The following GAREM1 variants were observed in gnomAD, a reference collection of about 807,000 sequenced individuals.
The protein encoded by GAREM1 is GRB2 associated regulator of MAPK1 subtype 1.
A neutral mutation model predicts 71.3 loss-of-function variants in GAREM1; 26 were observed. The ratio of observed to expected loss-of-function variants is 0.36; its 90% CI spans 0.27 to 0.51. The LOEUF (loss-of-function observed/expected upper bound fraction) is 0.51. Among genes scored for constraint, GAREM1 ranks in the 20% least tolerant of loss-of-function variants. GAREM1 has a pLI of 0.95. For synonymous variants in GAREM1, 440 were observed against 433.2 expected, an observed-to-expected ratio of 1.02 and a Z score of -0.20; for missense variants, 1,026 against 1,103.1, an observed-to-expected ratio of 0.93 and a Z score of 0.99.
intron 2 of GAREM1, among the ~76,000 whole-genome samples, chr18:32,347,247 C>A (rs1463055300): frequency 6.6e-6 from 1 of 152,116 alleles, no homozygotes; most frequent in Non-Finnish European, 1.5e-5. Flanking sequence ...TGTCTGTAAT[C>A]CCATCACTCT....
chr18:32,466,841 C>T (rs905184265), intron 1 of GAREM1, among the ~76,000 whole-genome samples: 2 of 152,172 alleles, frequency 1.3e-5, no homozygotes, highest in Non-Finnish European at 2.9e-5. Flanking sequence ...TGATGAGATA[C>T]ATCTCATCAA....
chr18:32,394,538 A>G (rs1175480910), intron 1 of GAREM1, among the ~76,000 whole-genome samples: 6 of 152,222 alleles, frequency 3.9e-5, no homozygotes, highest in African/African-American at 1.4e-4. Flanking sequence ...GTGGAGGTAC[A>G]TTAGCAGAAG....
intron 2 of GAREM1, among the ~76,000 whole-genome samples, chr18:32,381,408 T>G (rs2048096832): frequency 6.6e-6 from 1 of 152,230 alleles, no homozygotes; most frequent in African/African-American, 2.4e-5. Context: ...AGCAAGTGCC[T>G]GTGCTAAGAA....
intron 1 of GAREM1, among the ~76,000 whole-genome samples, chr18:32,408,159 C>T (rs2048383350): frequency 6.6e-6 from 1 of 152,024 alleles, no homozygotes. Flanking sequence ...TATATTCTTT[C>T]AAGCTTCCTA....
intron 2 of GAREM1, among the ~76,000 whole-genome samples, chr18:32,311,200 T>C (rs897383194): frequency 1.7e-4 from 26 of 152,208 alleles, no homozygotes; most frequent in African/African-American, 5.8e-4. Context: ...TAAAAGACCA[T>C]ATGCAATCAT....
chr18:32,388,633 C>T (rs1230277910), intron 2 of GAREM1, among the ~76,000 whole-genome samples: 1 of 152,176 alleles, frequency 6.6e-6, no homozygotes, highest in Non-Finnish European at 1.5e-5. Context: ...GACTGCATAG[C>T]CTCATCAAAT....
intron 4 of GAREM1, among the ~76,000 whole-genome samples, chr18:32,282,743 T>A (rs72931874): frequency 6.6e-6 from 1 of 152,188 alleles, no homozygotes; most frequent in Non-Finnish European, 1.5e-5. Context: ...TTGTAACTCA[T>A]TGCATAGACG....
intron 4 of GAREM1, among the ~76,000 whole-genome samples, chr18:32,281,765 G>C (rs1409747844): frequency 1.3e-5 from 2 of 152,060 alleles, no homozygotes; most frequent in African/African-American, 4.8e-5. Context: ...ATGAGGTCAG[G>C]AGATCAAGAC....
At chr18:32,425,439 C>G (rs1423185717) in intron 1 of GAREM1, among the ~76,000 whole-genome samples, 1 of 152,092 alleles carries the variant, frequency 6.6e-6, no homozygotes, top group African/African-American at 2.4e-5. Flanking sequence ...CCATAGTCTG[C>G]TAATTGATCA....
In GAREM1 at chr18:32,268,342, C is replaced by T. The variant is rs145837238; in HGVS notation, c.2160G>A (p.Thr720=). The change falls in exon 6 of 6, where the codon ACG becomes ACA. Residue 720 remains threonine (T), a synonymous_variant. Coordinates refer to ENST00000269209, the MANE Select transcript of GAREM1 (RefSeq NM_001242409.2). ...SLAAGVTKQS[T]SCPALPPRAP... ...CCCTGGGGGGTAAGGCAGGGCATGACGTACTCTGCTTTGTCACACCAGCTG... is the reference window on the plus strand; with the variant it reads ...CCCTGGGGGGTAAGGCAGGGCATGATGTACTCTGCTTTGTCACACCAGCTG... The T allele has an allele frequency of 9.3e-6, 15 of 1,614,116 alleles. No individual in the cohort carries two copies. The highest frequency in any genetic ancestry group is 1.6e-4 in the Middle Eastern group (1 of 6,062).
chr18:32,376,882 A>T (rs2048035471), intron 2 of GAREM1, among the ~76,000 whole-genome samples: 1 of 152,118 alleles, frequency 6.6e-6, no homozygotes, highest in Admixed American at 6.5e-5. Flanking sequence ...AATAAACAAA[A>T]AACAAAACAA....
Position 32,327,047 on chromosome 18 carries a change from C to A in GAREM1, c.263-16724G>T, listed in dbSNP as rs147321251. Among the ~76,000 whole-genome samples, 171 of 152,242 alleles carry A rather than the reference C, an allele frequency of 1.1e-3. No individual in the cohort carries two copies. The East Asian group carries it at 0.025, about 22-fold the overall frequency. On this transcript the variant is annotated intron_variant, in intron 2 of 5. Transcript: ENST00000269209. Reference sequence around the variant, plus strand: ...AAACACTCTTCTTTCTAATGTAAGACCAGGCTTTTTAAAAACAGGAATCAC... The same window carrying A: ...AAACACTCTTCTTTCTAATGTAAGAACAGGCTTTTTAAAAACAGGAATCAC...
intron 3 of GAREM1, among the ~76,000 whole-genome samples, chr18:32,298,627 T>C (rs2047166637): frequency 6.6e-6 from 1 of 152,186 alleles, no homozygotes; most frequent in Non-Finnish European, 1.5e-5. Context: ...TTTGAAACAC[T>C]GACGTAAAAT....
chr18:32,395,750 G>A (rs547575815), intron 1 of GAREM1, among the ~76,000 whole-genome samples: 39 of 152,282 alleles, frequency 2.6e-4, no homozygotes, highest in African/African-American at 8.7e-4. Context: ...GGGCATAGCC[G>A]AACAAAAGGC....
chr18:32,373,421 T>C (rs1221718655), intron 2 of GAREM1, among the ~76,000 whole-genome samples: 3 of 152,198 alleles, frequency 2.0e-5, no homozygotes, highest in African/African-American at 7.2e-5. Flanking sequence ...AACATGAAGG[T>C]ATTTGGGGGT....
intron 2 of GAREM1, among the ~76,000 whole-genome samples, chr18:32,373,514 C>A (rs1449929240): frequency 1.3e-5 from 2 of 152,170 alleles, no homozygotes; most frequent in African/African-American, 4.8e-5. Context: ...TCTTCCTTCA[C>A]ATTTTCCTAA....
intron 1 of GAREM1, among the ~76,000 whole-genome samples, chr18:32,459,888 C>A (rs774441370): frequency 4.2e-4 from 64 of 152,050 alleles, no homozygotes; most frequent in Non-Finnish European, 5.0e-4. Context: ...TTCAAGTGGG[C>A]CTTCTCAGGT....
intron 1 of GAREM1, among the ~76,000 whole-genome samples, chr18:32,467,562 T>C (rs1443807514): frequency 6.6e-6 from 1 of 152,192 alleles, no homozygotes; most frequent in African/African-American, 2.4e-5. Flanking sequence ...ATATTATGCA[T>C]CTAGAAATGT....
At chr18:32,292,262 CAT>C (rs1446058400) in intron 3 of GAREM1, among the ~76,000 whole-genome samples, 15 of 150,860 alleles carry the variant, frequency 9.9e-5, no homozygotes, top group African/African-American at 3.4e-4. Context: ...TTTTTTTTTT[CAT>C]ATGTTTGTTG....
Sources: allele counts gnomAD v4.1 joint callset (sites outside exome capture counted in the v4.1 genomes callset), GRCh38; gene constraint gnomAD v4.1.1; transcripts MANE v1.5; gene names NCBI Gene and HGNC (gene_info 2026-07-23, HGNC 2026-07-21).